The following MYO16 variants were observed in gnomAD, a reference collection of about 807,000 sequenced individuals.
MYO16 encodes myosin XVI.
MYO16 carries 94 observed loss-of-function variants against 205.3 expected under a neutral mutation model. The ratio of observed to expected loss-of-function variants is 0.46; its 90% confidence interval spans 0.39 to 0.54. The LOEUF is 0.54. Among genes scored for constraint, MYO16 ranks in the 20% least tolerant of loss-of-function variants. MYO16 has a pLI of 0.00. For missense variants in MYO16, 2,315 were observed against 2,387.5 expected (o/e 0.97, Z 0.63); for synonymous variants, 988 against 954.0 (o/e 1.04, Z -0.66).
intron 21 of MYO16, among the ~76,000 whole-genome samples, chr13:108,995,034 A>C (rs1884959545): frequency 6.6e-6 from 1 of 152,208 alleles, no homozygotes; most frequent in Non-Finnish European, 1.5e-5. Context: ...TACTACAGCT[A>C]ATAGGAAATT....
intron 20 of MYO16, among the ~76,000 whole-genome samples, chr13:108,984,393 C>G (rs1346240760): frequency 6.6e-6 from 1 of 152,174 alleles, no homozygotes; most frequent in African/African-American, 2.4e-5. Context: ...TGGATTCCTG[C>G]CTTTCCTGCA....
intron 20 of MYO16, among the ~76,000 whole-genome samples, chr13:108,966,768 G>T (rs1170045476): frequency 1.3e-5 from 2 of 152,076 alleles, no homozygotes; most frequent in East Asian, 3.9e-4. Context: ...GATAATGCAA[G>T]AAAAGGTTAT....
the MYO16 span, among the ~76,000 whole-genome samples, chr13:108,581,294 A>G: frequency 3.3e-5 from 5 of 152,242 alleles, no homozygotes; most frequent in African/African-American, 2.4e-5. Context: ...TAATGTGAAT[A>G]TGATTAGAGA....
At position 109,127,323 on chromosome 13, in the gene MYO16, C is replaced by T; in HGVS notation, c.3824C>T (p.Ser1275Phe). 2 of 1,608,024 alleles carry T rather than the reference C, an allele frequency of 1.2e-6. No homozygotes were observed. The highest frequency in any genetic ancestry group is 2.2e-5 in the East Asian group (1 of 44,734). ...GGACCCAGGCATTTCCACCCCAGCT[C>T]CATGTCAGTCTGCGCGGCCGTGGAT... ...KSGPRHFHPS[S>F]MSVCAAVDGL... The change falls in exon 31 of 35, where the codon TCC (serine) becomes TTC (phenylalanine). Residue 1275 changes from serine (S) to phenylalanine (F), a missense_variant. Physicochemically the swap from Ser to Phe is radical, Grantham distance 155. Transcript: ENST00000457511. This position sits in a 1 kb window ranked among gnomAD's most constrained non-coding sequence, Gnocchi z 4.2.
chr13:108,633,315 A>G (rs1880073321), intron 1 of MYO16, among the ~76,000 whole-genome samples: 1 of 152,218 alleles, frequency 6.6e-6, no homozygotes, highest in South Asian at 2.1e-4. Context: ...CTAAGGAGCA[A>G]GGAAGCCAGT....
intron 11 of MYO16, among the ~76,000 whole-genome samples, chr13:108,856,510 T>C (rs1433698016): frequency 6.6e-6 from 1 of 152,238 alleles, no homozygotes; most frequent in Non-Finnish European, 1.5e-5. Flanking sequence ...TCTGTTAAAA[T>C]TAATGAAATC....
At chr13:108,799,879 G>A (rs546814068) in intron 6 of MYO16, among the ~76,000 whole-genome samples, 2 of 152,334 alleles carry the variant, frequency 1.3e-5, no homozygotes, top group East Asian at 3.9e-4. Flanking sequence ...AAGAAGAAGG[G>A]AGGAGGGAGC....
At chr13:108,540,670 C>T in the MYO16 span, among the ~76,000 whole-genome samples, 1 of 151,992 alleles carries the variant, frequency 6.6e-6, no homozygotes, top group Non-Finnish European at 1.5e-5. Flanking sequence ...GTATAAGTTC[C>T]TTAGGTAGGA....
At chr13:108,936,123 TCC>T (rs1214138816) in intron 16 of MYO16, among the ~76,000 whole-genome samples, 1 of 150,502 alleles carries the variant, frequency 6.6e-6, no homozygotes, top group Non-Finnish European at 1.5e-5. Context: ...CTTCCTTCCT[TCC>T]TTCCTTCCTT....
At chr13:108,699,043 A>G (rs976707271) in intron 2 of MYO16, among the ~76,000 whole-genome samples, 2 of 150,816 alleles carry the variant, frequency 1.3e-5, no homozygotes, top group Non-Finnish European at 3.0e-5. Flanking sequence ...TTTCTCTCCC[A>G]CTTGACTTAC....
chr13:109,111,485 A>G (rs1292004607), intron 28 of MYO16, among the ~76,000 whole-genome samples: 1 of 152,226 alleles, frequency 6.6e-6, no homozygotes, highest in African/African-American at 2.4e-5. Context: ...TTTTGATGCA[A>G]CTACGATAGT....
At chr13:108,600,628 A>T (rs1300160986) in intron 1 of MYO16, among the ~76,000 whole-genome samples, 1 of 152,196 alleles carries the variant, frequency 6.6e-6, no homozygotes, top group Non-Finnish European at 1.5e-5. Context: ...GGGGAAAACC[A>T]TACCCTAGAG....
At chr13:109,177,170 G>A (rs1334723708) in intron 33 of MYO16, among the ~76,000 whole-genome samples, 3 of 151,984 alleles carry the variant, frequency 2.0e-5, no homozygotes. Flanking sequence ...CCACCATGAA[G>A]TTTACTCTAG....
At chr13:108,895,014 C>T (rs932075171) in intron 14 of MYO16, among the ~76,000 whole-genome samples, 5 of 152,184 alleles carry the variant, frequency 3.3e-5, no homozygotes, top group African/African-American at 1.2e-4. Context: ...ATTGAAATCA[C>T]TTAAATAAGC....
At chr13:108,900,173 C>T (rs961770273) in intron 15 of MYO16, among the ~76,000 whole-genome samples, 2 of 152,056 alleles carry the variant, frequency 1.3e-5, no homozygotes, top group African/African-American at 2.4e-5. Flanking sequence ...TTTAGAGGGT[C>T]CTTTTCTTTA....
intron 20 of MYO16, among the ~76,000 whole-genome samples, chr13:108,977,321 A>G (rs1176541464): frequency 6.6e-6 from 1 of 152,142 alleles, no homozygotes; most frequent in Admixed American, 6.5e-5. Flanking sequence ...TCAGTTACAA[A>G]CAGCGCTGTA....
chr13:109,148,689 G>A (rs375897044), intron 32 of MYO16, among the ~76,000 whole-genome samples: 1 of 152,138 alleles, frequency 6.6e-6, no homozygotes, highest in East Asian at 1.9e-4. Flanking sequence ...AAGCTTTATC[G>A]GATCCTCCCA....
intron 1 of MYO16, among the ~76,000 whole-genome samples, chr13:108,633,012 C>T (rs547709468): frequency 1.3e-5 from 2 of 152,160 alleles, no homozygotes; most frequent in Non-Finnish European, 2.9e-5. Flanking sequence ...TACACCTGAC[C>T]TATTTCTCTC....
chr13:108,860,598 A>G (rs1319176051), intron 11 of MYO16, among the ~76,000 whole-genome samples: 1 of 152,088 alleles, frequency 6.6e-6, no homozygotes, highest in East Asian at 1.9e-4. Flanking sequence ...TGCTTTCCAG[A>G]ATGTTTGAAC....
Sources: gnomAD v4.1 joint callset for allele counts (sites outside exome capture counted in the v4.1 genomes callset) on GRCh38, gnomAD v4.1.1 for gene constraint, Gnocchi (gnomAD v3.1) non-coding constraint, MANE v1.5 for transcripts, NCBI Gene and HGNC (gene_info 2026-07-23, HGNC 2026-07-21) for gene names.